Variants in ZC3H13 observed in about 807,000 individuals in gnomAD.
ZC3H13 encodes the protein zinc finger CCCH domain-containing protein 13.
A neutral mutation model predicts 204.1 loss-of-function variants in ZC3H13; 64 were observed. The ratio of observed to expected loss-of-function variants is 0.31; its 90% confidence interval spans 0.26 to 0.39. The LOEUF (loss-of-function observed/expected upper bound fraction) is 0.39, where lower values mean the gene tolerates loss of function less well. Ranked by LOEUF, ZC3H13 falls within the 10% of genes least tolerant of loss-of-function variation. The pLI, the probability that ZC3H13 is intolerant of heterozygous loss-of-function variation, is 1.00. For missense variants in ZC3H13, 1,833 were observed against 2,082.7 expected (o/e 0.88, Z 2.33); for synonymous variants, 667 against 693.7 (o/e 0.96, Z 0.60).
chr13:45,977,927 ATCAG>A (rs1953200989), intron 11 of ZC3H13, among the ~76,000 whole-genome samples: 1 of 152,070 alleles, frequency 6.6e-6, no homozygotes, highest in South Asian at 2.1e-4. Flanking sequence ...ATAGTCTTTC[ATCAG>A]TCCTTTTCCC....
intron 1 of ZC3H13, among the ~76,000 whole-genome samples, 169 bp from the exon 2 acceptor site, chr13:46,045,685 T>C (rs2139197707): frequency 6.6e-6 from 1 of 152,004 alleles, no homozygotes; most frequent in African/African-American, 2.4e-5. Context: ...TAAACAGAGA[T>C]AATATCTTCT....
intron 8 of ZC3H13, 64 bp downstream of exon 8, chr13:46,003,075 T>C: frequency 6.4e-7 from 1 of 1,552,046 alleles, no homozygotes; most frequent in Non-Finnish European, 8.7e-7. Context: ...CAACGGCTTC[T>C]GAAAAGTAAA....
In ZC3H13 at chr13:45,963,650, T is replaced by C. The variant is rs1951853348; in HGVS notation, c.4675+192A>G. 6 of 1,407,496 alleles carry C rather than the reference T, an allele frequency of 4.3e-6. No individual in the cohort carries two copies. In the South Asian group the frequency reaches 9.4e-5, roughly 22 times the overall value. The allele number at this position is 1,407,496 out of a possible 1,614,324, so 87.2% of individuals were successfully genotyped here. ...CTCTTTTCCCAACTTTTCTGTGGGATAACTCTTCTTCTCAAAATAAATTTT... is the reference window on the plus strand; with the variant it reads ...CTCTTTTCCCAACTTTTCTGTGGGACAACTCTTCTTCTCAAAATAAATTTT... On this transcript the variant is annotated intron_variant, in intron 17 of 18. Transcript: ENST00000679008.
intron 7 of ZC3H13, among the ~76,000 whole-genome samples, chr13:46,004,681 A>C (rs1359857920): frequency 2.0e-5 from 3 of 152,220 alleles, no homozygotes; most frequent in Admixed American, 1.3e-4. Flanking sequence ...TCATTATTCA[A>C]AAAACACAAT....
intron 5 of ZC3H13, 43 bp downstream of exon 5, chr13:46,020,402 GTAAA>G (rs756914146): frequency 1.4e-6 from 2 of 1,445,136 alleles, no homozygotes; most frequent in Non-Finnish European, 9.7e-7. Context: ...ACTCTAGAAA[GTAAA>G]TAATCAAGAA....
intron 4 of ZC3H13, among the ~76,000 whole-genome samples, chr13:46,030,666 CG>C (rs2042837101): frequency 6.6e-6 from 1 of 151,800 alleles, no homozygotes; most frequent in South Asian, 2.1e-4. Flanking sequence ...CTATATACAA[CG>C]GTAAGTGGAA....
chr13:45,995,223 C>A (rs558852136), intron 8 of ZC3H13, among the ~76,000 whole-genome samples: 2 of 152,286 alleles, frequency 1.3e-5, no homozygotes, highest in African/African-American at 4.8e-5. Flanking sequence ...CTAAAAACCT[C>A]TCTGAAAATA....
intron 5 of ZC3H13, among the ~76,000 whole-genome samples, chr13:46,016,244 T>G (rs146746974): frequency 3.9e-5 from 6 of 152,164 alleles, no homozygotes; most frequent in Non-Finnish European, 7.4e-5. Flanking sequence ...AATTGATATG[T>G]GTCTGTACAT....
intron 8 of ZC3H13, among the ~76,000 whole-genome samples, chr13:46,002,318 G>C (rs1413114981): frequency 1.3e-5 from 2 of 152,152 alleles, no homozygotes; most frequent in Non-Finnish European, 2.9e-5. Context: ...CTGTTGGTGG[G>C]AATGTACAAC....
At chr13:46,010,616 C>T (rs866347318) in intron 6 of ZC3H13, 111 bp from the exon 7 acceptor site, 4 of 1,186,584 alleles carry the variant, frequency 3.4e-6, no homozygotes, top group Non-Finnish European at 3.5e-6. Context: ...AATATTATTG[C>T]CGGGTGCAGT....
At chr13:45,985,839 A>G (rs1954137258) in intron 9 of ZC3H13, 78 bp from the exon 10 acceptor site, 5 of 1,303,758 alleles carry the variant, frequency 3.8e-6, no homozygotes, top group Non-Finnish European at 4.2e-6. Flanking sequence ...TTAATACAGA[A>G]CTTTAAAAAT....
chr13:46,000,661 G>T (rs1593612354), intron 8 of ZC3H13, among the ~76,000 whole-genome samples: 2 of 152,186 alleles, frequency 1.3e-5, no homozygotes, highest in Admixed American at 1.3e-4. Flanking sequence ...CAATATGGCT[G>T]TTTTGCTTTC....
In ZC3H13 at chr13:45,969,118, G is replaced by C; in HGVS notation, c.3426C>G (p.Thr1142=). The C allele has an allele frequency of 6.2e-7, 1 of 1,614,160 alleles. No homozygotes were observed. Among genetic ancestry groups the C allele is most frequent in the East Asian group, 2.2e-5 (1 of 44,882 alleles). Residue 1142 remains threonine (T), a synonymous_variant, in exon 14 of 19, where the codon ACC becomes ACG. Transcript: ENST00000679008. The part of the protein sequence containing the change: ...TSAITISTSA[T]PTNTTNNTFA... ...AAGTATTATTGGTGGTATTGGTGGGGGTGGCAGAGGTGGAAATAGTGATGG... is the reference window on the plus strand; with the variant it reads ...AAGTATTATTGGTGGTATTGGTGGGCGTGGCAGAGGTGGAAATAGTGATGG...
At position 46,011,529 on chromosome 13, in the gene ZC3H13, ATAAT is replaced by A; in HGVS notation, c.470_473del (p.Asn157MetfsTer11). 1 of 1,589,314 alleles carries A rather than the reference ATAAT, an allele frequency of 6.3e-7. No individual in the cohort carries two copies. The highest frequency in any genetic ancestry group is 1.2e-5 in the South Asian group (1 of 86,676). ...CCAATGACAATTCATGAACATAATCATAATTAATATCTCCATTGTCAGAATCTTT... is the reference window on the plus strand; with the variant it reads ...CCAATGACAATTCATGAACATAATCATAATATCTCCATTGTCAGAATCTTT... On this transcript the variant is annotated frameshift_variant, in exon 6 of 19. Coordinates refer to ENST00000679008, the MANE Select transcript of ZC3H13 (RefSeq NM_001330564.2). LOFTEE classifies it high-confidence loss of function.
chr13:45,972,956 A>G (rs879481206), intron 12 of ZC3H13, among the ~76,000 whole-genome samples: 10 of 152,200 alleles, frequency 6.6e-5, no homozygotes, highest in Non-Finnish European at 1.3e-4. Context: ...CAGACACATG[A>G]ATGAGACAAT....
intron 17 of ZC3H13, among the ~76,000 whole-genome samples, chr13:45,961,288 A>C (rs1951667905): frequency 6.6e-6 from 1 of 152,040 alleles, no homozygotes. Flanking sequence ...TTCCTTGAAA[A>C]TTGTTCATTA....
In ZC3H13 at chr13:45,969,098, T is replaced by TTATTGGTGG; in HGVS notation, c.3437_3445dup (p.Thr1146_Asn1148dup). The stretch of plus-strand genomic sequence containing the variant: ...GTGTGAGTCTTCATTGGCAAAAGTA[T>TTATTGGTGG]TATTGGTGGTATTGGTGGGGGTGGC... On this transcript the variant is annotated inframe_insertion, in exon 14 of 19. Coordinates refer to ENST00000679008, the MANE Select transcript of ZC3H13 (RefSeq NM_001330564.2). 6.2e-7 allele frequency: 1 copy of TTATTGGTGG among 1,614,154 alleles called. No individual in the cohort carries two copies. Among genetic ancestry groups the TTATTGGTGG allele is most frequent in the Non-Finnish European group, 8.5e-7 (1 of 1,180,002 alleles).
chr13:45,972,127 C>A (rs1457591986), intron 12 of ZC3H13, among the ~76,000 whole-genome samples: 1 of 151,766 alleles, frequency 6.6e-6, no homozygotes, highest in African/African-American at 2.4e-5. Flanking sequence ...GATATTTGAT[C>A]CAGCAATCCC....
At chr13:46,051,940 TG>T (rs1294979556) in intron 1 of ZC3H13, 1 of 140,286 alleles carries the variant, frequency 7.1e-6, no homozygotes, top group Non-Finnish European at 1.5e-5. Context: ...ACCTAAGGCT[TG>T]TGAAGATAAA....
Sources: allele counts gnomAD v4.1 joint callset (sites outside exome capture counted in the v4.1 genomes callset), GRCh38; gene constraint gnomAD v4.1.1; transcripts MANE v1.5; gene names NCBI Gene and HGNC (gene_info 2026-07-23, HGNC 2026-07-21).